Variants in PIP5K1A observed in about 807,000 individuals in gnomAD.
The protein encoded by PIP5K1A is phosphatidylinositol-4-phosphate 5-kinase type 1 alpha, also known as phosphatidylinositol 4-phosphate 5-kinase type-1 alpha.
In PIP5K1A, 46 loss-of-function variants were observed where a neutral mutation model predicts 72.9. The observed-to-expected ratio is 0.63, with a 90% CI of 0.50 to 0.81. The LOEUF (loss-of-function observed/expected upper bound fraction) is 0.81. Ranked by LOEUF, PIP5K1A falls within the 30% of genes least tolerant of loss-of-function variation. The probability of loss-of-function intolerance (pLI) is 0.00; values close to 1 mark genes in which losing one functional copy is unlikely to be tolerated. For synonymous variants in PIP5K1A, 228 were observed against 255.1 expected, an observed-to-expected ratio of 0.89 and a Z score of 1.01; for missense variants, 458 against 706.1, an observed-to-expected ratio of 0.65 and a Z score of 3.98.
chr1:151,224,078 A>G (rs1489832079), intron 1 of PIP5K1A, 167 bp from the exon 2 acceptor site: 2 of 657,902 alleles, frequency 3.0e-6, no homozygotes. Flanking sequence ...ATGGAGAAGG[A>G]GAGAGGGACA....
intron 5 of PIP5K1A, 74 bp downstream of exon 5, chr1:151,231,875 G>A (rs1283488828): frequency 3.6e-6 from 5 of 1,391,990 alleles, no homozygotes; most frequent in South Asian, 3.5e-5. Context: ...AGTTTTAGGG[G>A]TTCAGGTCGG....
upstream of PIP5K1A, among the ~76,000 whole-genome samples, chr1:151,196,085 GACGGGGTTTC>G (rs1684547741): frequency 6.6e-6 from 1 of 151,618 alleles, no homozygotes; most frequent in East Asian, 2.0e-4. Context: ...TTTTAGTAAA[GACGGGGTTTC>G]ACTGTGTTAG....
chr1:151,236,811 C>CTTT (rs747553784), intron 9 of PIP5K1A, 48 bp downstream of exon 9: 4 of 579,928 alleles, frequency 6.9e-6, no homozygotes, highest in South Asian at 2.6e-5. Flanking sequence ...GCCCACAGCA[C>CTTT]TTTTCTTTTC....
In PIP5K1A at chr1:151,208,719, C is replaced by CTTTTTTTT. The variant is rs61545057; in HGVS notation, c.85+9661_85+9668dup. The stretch of plus-strand genomic sequence containing the variant: ...TTATTAAGGATGTTGTAATGGTACG[C>CTTTTTTTT]TTTTTTTTTTTTTTTTTTTTTTTTT... On this transcript the variant is annotated intron_variant, in intron 1 of 15. Coordinates refer to ENST00000368888, the MANE Select transcript of PIP5K1A (RefSeq NM_001135638.2). 1.5e-3 allele frequency among the ~76,000 whole-genome samples: 66 copies of CTTTTTTTT among 43,168 alleles called. 18 individuals are homozygous for CTTTTTTTT. Among genetic ancestry groups the CTTTTTTTT allele is most frequent in the Non-Finnish European group, 2.2e-3 (50 of 23,046 alleles). The allele number at this position is 43,168 out of a possible 152,430, so 28.3% of individuals were successfully genotyped here.
chr1:151,219,206 C>A (rs1251480010), intron 1 of PIP5K1A, among the ~76,000 whole-genome samples: 1 of 151,814 alleles, frequency 6.6e-6, no homozygotes, highest in East Asian at 1.9e-4. Flanking sequence ...CATGGCGAAA[C>A]CCTGTCTGTA....
chr1:151,216,799 T>G (rs1352992764), intron 1 of PIP5K1A, among the ~76,000 whole-genome samples: 1 of 152,106 alleles, frequency 6.6e-6, no homozygotes, highest in African/African-American at 2.4e-5. Context: ...ATAACAACCT[T>G]AGGAAGTACA....
At chr1:151,202,174 T>A (rs1685301741) in intron 1 of PIP5K1A, among the ~76,000 whole-genome samples, 1 of 152,232 alleles carries the variant, frequency 6.6e-6, no homozygotes, top group African/African-American at 2.4e-5. Context: ...TATCAAAAAC[T>A]GTCAATATGT....
rs1253176029 is a variant in PIP5K1A at position 151,227,117 on chromosome 1, T to A, written c.157-203T>A. On this transcript the variant is annotated intron_variant, in intron 3 of 15. Transcript: ENST00000368888. ...AAAATATGTGTCCCTTGGAGTTTTC[T>A]TCTGTGATCTTTTAGCCACTTAATT... The A allele has an allele frequency of 6.8e-6, 3 of 443,394 alleles. No homozygotes were observed. The Admixed American group carries it at 1.2e-4, about 17-fold the overall frequency. The allele number at this position is 443,394 out of a possible 1,614,324, so 27.5% of individuals were successfully genotyped here.
At chr1:151,219,013 A>G (rs988960204) in intron 1 of PIP5K1A, among the ~76,000 whole-genome samples, 4 of 152,148 alleles carry the variant, frequency 2.6e-5, no homozygotes, top group Admixed American at 6.6e-5. Flanking sequence ...AAATTAGACT[A>G]AAAATCTCTT....
upstream of PIP5K1A, among the ~76,000 whole-genome samples, chr1:151,195,643 C>T (rs587708746): frequency 1.1e-4 from 17 of 151,146 alleles, no homozygotes; most frequent in East Asian, 1.8e-3. Flanking sequence ...CCCAGCTACT[C>T]GGGAGGCTGA....
At chr1:151,216,457 A>T (rs1199306499) in intron 1 of PIP5K1A, among the ~76,000 whole-genome samples, 1 of 152,052 alleles carries the variant, frequency 6.6e-6, no homozygotes. Context: ...TGGCTCCCAT[A>T]TCTCACTGCC....
Position 151,198,791 on chromosome 1 carries a change from AG to A in PIP5K1A, c.-205del, listed in dbSNP as rs1262883398. 11 of 648,120 alleles carry A rather than the reference AG, an allele frequency of 1.7e-5. No individual in the cohort carries two copies. The highest frequency in any genetic ancestry group is 2.5e-5 in the Non-Finnish European group (9 of 362,778). 40.1% of individuals were successfully genotyped at this position (648,120 alleles called of 1,614,324 possible). Reference sequence around the variant, plus strand: ...ACTTGTGGAGGGGGTGCGGGACGTGAGTTCTTCCCCATGCCAGGCGAATGGT... The same window carrying A: ...ACTTGTGGAGGGGGTGCGGGACGTGATTCTTCCCCATGCCAGGCGAATGGT... On this transcript the variant is annotated 5_prime_UTR_variant, in exon 1 of 16. Coordinates refer to ENST00000368888, the MANE Select transcript of PIP5K1A (RefSeq NM_001135638.2).
At chr1:151,219,619 G>A (rs1357881612) in intron 1 of PIP5K1A, among the ~76,000 whole-genome samples, 4 of 151,914 alleles carry the variant, frequency 2.6e-5, no homozygotes, top group South Asian at 2.1e-4. Flanking sequence ...TCTTGAACCC[G>A]GGAGGTGGAG....
At chr1:151,198,505 T>G (rs914409846), upstream of PIP5K1A, 3 of 197,330 alleles carry the variant, frequency 1.5e-5, no homozygotes, top group Non-Finnish European at 3.2e-5. Flanking sequence ...TTCTCCCCAA[T>G]GAGTGGGCTG....
chr1:151,213,660 C>T (rs587742996), intron 1 of PIP5K1A: 3 of 152,236 alleles, frequency 2.0e-5, no homozygotes, highest in African/African-American at 7.2e-5. Flanking sequence ...GCATTTCTGG[C>T]ATTTTCTTTT....
upstream of PIP5K1A, among the ~76,000 whole-genome samples, chr1:151,195,612 G>A (rs1030479082): frequency 6.6e-5 from 10 of 151,816 alleles, no homozygotes; most frequent in African/African-American, 1.5e-4. Context: ...TTAGCTGGGC[G>A]TGGTGGTGCA....
intron 1 of PIP5K1A, among the ~76,000 whole-genome samples, chr1:151,205,729 C>T (rs1037030314): frequency 6.6e-6 from 1 of 151,894 alleles, no homozygotes; most frequent in South Asian, 2.1e-4. Flanking sequence ...ACCCAGGAGG[C>T]GGAGGTTGCA....
upstream of PIP5K1A, chr1:151,197,815 A>G (rs932907956): frequency 6.5e-6 from 2 of 305,634 alleles, no homozygotes; most frequent in African/African-American, 2.2e-5. Context: ...TCTTCCCACC[A>G]GGGTTCATAG....
intron 14 of PIP5K1A, among the ~76,000 whole-genome samples, chr1:151,243,856 TA>T (rs1692108212): frequency 6.6e-6 from 1 of 152,146 alleles, no homozygotes; most frequent in South Asian, 2.1e-4. Flanking sequence ...GCCACACTCA[TA>T]AATATCTTCT....
Sources: gnomAD v4.1 joint callset for allele counts (sites outside exome capture counted in the v4.1 genomes callset) on GRCh38, gnomAD v4.1.1 for gene constraint, MANE v1.5 for transcripts, NCBI Gene and HGNC (gene_info 2026-07-23, HGNC 2026-07-21) for gene names.